UBR3: variants seen among roughly 807,000 people sequenced by gnomAD.
The protein encoded by UBR3 is E3 ubiquitin-protein ligase UBR3.
UBR3 carries 85 observed loss-of-function variants against 243.2 expected under a neutral mutation model. That is an observed-to-expected ratio of 0.35 (90% confidence interval 0.29 to 0.42). The LOEUF (loss-of-function observed/expected upper bound fraction) is 0.42. Among genes scored for constraint, UBR3 ranks in the 10% least tolerant of loss-of-function variants. The pLI is 1.00. For synonymous variants in UBR3, 748 were observed against 799.8 expected, an observed-to-expected ratio of 0.94 and a Z score of 1.09; for missense variants, 1,686 against 2,300.8, an observed-to-expected ratio of 0.73 and a Z score of 5.47.
intron 32 of UBR3, among the ~76,000 whole-genome samples, chr2:170,046,871 T>C (rs1490009925): frequency 6.6e-6 from 1 of 152,178 alleles, no homozygotes; most frequent in African/African-American, 2.4e-5. Flanking sequence ...AATTCTTGGA[T>C]TTTAATATAT....
intron 25 of UBR3, among the ~76,000 whole-genome samples, chr2:169,992,911 C>G (rs1375693103): frequency 6.6e-6 from 1 of 152,088 alleles, no homozygotes; most frequent in African/African-American, 2.4e-5. Flanking sequence ...CAGGTGTGCA[C>G]CACCATACCC....
At chr2:169,838,806 G>A (rs183587115) in intron 1 of UBR3, among the ~76,000 whole-genome samples, 2 of 152,096 alleles carry the variant, frequency 1.3e-5, no homozygotes, top group Admixed American at 6.6e-5. Context: ...AATCAGATAC[G>A]GTGAGACTCA....
chr2:170,058,717 T>G (rs1469114538), intron 33 of UBR3, among the ~76,000 whole-genome samples: 2 of 152,040 alleles, frequency 1.3e-5, no homozygotes, highest in Non-Finnish European at 2.9e-5. Flanking sequence ...AGTCTTGCTG[T>G]GTTGCCCAGG....
chr2:170,057,051 T>G (rs565283015), intron 33 of UBR3, among the ~76,000 whole-genome samples: 114 of 152,250 alleles, frequency 7.5e-4, no homozygotes, highest in African/African-American at 2.6e-3. Context: ...TCTTGAAAGA[T>G]TTTTTCCCCC....
At chr2:170,062,188 A>G (rs2091470715) in intron 35 of UBR3, among the ~76,000 whole-genome samples, 2 of 152,222 alleles carry the variant, frequency 1.3e-5, no homozygotes, top group South Asian at 4.1e-4. Flanking sequence ...GGTTTAATCT[A>G]TTTCATAAAA....
At chr2:169,925,845 G>T in intron 14 of UBR3, 98 bp downstream of exon 14, 2 of 1,108,804 alleles carry the variant, frequency 1.8e-6, no homozygotes, top group Non-Finnish European at 2.4e-6. Context: ...ACATGGAGAG[G>T]CCAATGCCAT....
chr2:169,902,640 T>C (rs1207617446), intron 8 of UBR3, among the ~76,000 whole-genome samples: 1 of 150,096 alleles, frequency 6.7e-6, no homozygotes, highest in African/African-American at 2.5e-5. Context: ...GATGGAGCCT[T>C]GCTCTGTCAC....
intron 31 of UBR3, among the ~76,000 whole-genome samples, chr2:170,039,585 C>T (rs538356975): frequency 6.6e-6 from 1 of 152,236 alleles, no homozygotes; most frequent in Admixed American, 6.5e-5. Flanking sequence ...TTGATTTACT[C>T]AGCAGTGTGT....
chr2:169,966,163 A>G (rs1240655851), intron 24 of UBR3, among the ~76,000 whole-genome samples: 2 of 152,060 alleles, frequency 1.3e-5, no homozygotes, highest in African/African-American at 4.8e-5. Flanking sequence ...CTTGATCATT[A>G]TCCTCCCCAC....
intron 29 of UBR3, among the ~76,000 whole-genome samples, chr2:170,009,638 A>G (rs935833517): frequency 2.6e-5 from 4 of 152,166 alleles, no homozygotes; most frequent in Non-Finnish European, 5.9e-5. Context: ...AAGAACTTGT[A>G]AATGCATTCT....
chr2:169,891,867 A>C (rs536391753), intron 6 of UBR3, among the ~76,000 whole-genome samples: 1 of 152,146 alleles, frequency 6.6e-6, no homozygotes, highest in African/African-American at 2.4e-5. Context: ...TTTAACCACA[A>C]TGTTTACTTG....
intron 23 of UBR3, among the ~76,000 whole-genome samples, chr2:169,954,366 G>GA (rs2087176113): frequency 6.6e-6 from 1 of 151,656 alleles, no homozygotes; most frequent in South Asian, 2.1e-4. Flanking sequence ...TCAGCCTCCT[G>GA]AACAGCTGGG....
intron 19 of UBR3, among the ~76,000 whole-genome samples, chr2:169,933,959 A>G (rs2086232647): frequency 6.6e-6 from 1 of 152,242 alleles, no homozygotes; most frequent in Non-Finnish European, 1.5e-5. Flanking sequence ...CCTTGGAGAA[A>G]TTAGACTGAG....
At chr2:169,980,594 AC>A (rs2088677730) in intron 24 of UBR3, among the ~76,000 whole-genome samples, 1 of 149,668 alleles carries the variant, frequency 6.7e-6, no homozygotes, top group African/African-American at 2.5e-5. Flanking sequence ...GTACAAGCAC[AC>A]CCATTGCCCA....
At chr2:170,001,912 C>CAAAAAAAAAAAAAAAAAAAAAAAAAAAAA (rs71006062) in intron 27 of UBR3, among the ~76,000 whole-genome samples, 8 of 67,492 alleles carry the variant, frequency 1.2e-4, no homozygotes, top group South Asian at 5.9e-4. Flanking sequence ...GACTCCATCT[C>CAAAAAAAAAAAAAAAAAAAAAAAAAAAAA]AAAAAAAAAA....
At chr2:170,054,283 CTTT>C (rs746480476) in intron 32 of UBR3, among the ~76,000 whole-genome samples, 2 of 138,932 alleles carry the variant, frequency 1.4e-5, no homozygotes, top group Non-Finnish European at 3.1e-5. Context: ...CCACACCCAG[CTTT>C]TTTTTTTTTT....
intron 5 of UBR3, among the ~76,000 whole-genome samples, chr2:169,881,968 G>T: frequency 1.1e-5 from 1 of 94,084 alleles, no homozygotes; most frequent in Non-Finnish European, 2.3e-5. Flanking sequence ...ACATACATAT[G>T]TAATTATATT....
intron 24 of UBR3, among the ~76,000 whole-genome samples, chr2:169,961,319 A>G (rs767226357): frequency 2.0e-5 from 3 of 151,972 alleles, no homozygotes; most frequent in Non-Finnish European, 4.4e-5. Flanking sequence ...ATCTTATTTT[A>G]TTGGGGTACC....
rs150651019 is a variant in UBR3, at chr2:170,042,229, C to T, written c.4660+1244C>T. Among the ~76,000 whole-genome samples the T allele has an allele frequency of 4.1e-3, 623 of 152,122 alleles. 5 individuals carry two copies. Among genetic ancestry groups the T allele is most frequent in the African/African-American group, 0.014 (582 of 41,518 alleles). On this transcript the variant is annotated intron_variant, in intron 32 of 38. Coordinates refer to ENST00000272793, the MANE Select transcript of UBR3 (RefSeq NM_172070.4). ...ATTAATGATATTATACATTACGTTG[C>T]ATTTTGTGTCTGGCTTCCTTCACTT...
Sources: gnomAD v4.1 joint callset for allele counts (sites outside exome capture counted in the v4.1 genomes callset) on GRCh38, gnomAD v4.1.1 for gene constraint, MANE v1.5 for transcripts, NCBI Gene and HGNC (gene_info 2026-07-23, HGNC 2026-07-21) for gene names.